SLC26A4: variants seen among roughly 807,000 people sequenced by gnomAD.
SLC26A4 encodes the protein solute carrier family 26 member 4.
Under a neutral mutation model 90.4 loss-of-function variants are expected in SLC26A4, and 93 were observed. That is an observed-to-expected ratio of 1.03 (90% CI 0.87 to 1.22). The LOEUF (loss-of-function observed/expected upper bound fraction) is 1.22, where lower values mean the gene tolerates loss of function less well. Among genes scored for constraint, SLC26A4 ranks in the 50% most tolerant of loss-of-function variants. The probability of loss-of-function intolerance (pLI) is 0.00; values close to 1 mark genes in which losing one functional copy is unlikely to be tolerated. For missense variants in SLC26A4, 1,127 were observed against 946.2 expected, an observed-to-expected ratio of 1.19 and a Z score of -2.51; for synonymous variants, 393 against 354.6, an observed-to-expected ratio of 1.11 and a Z score of -1.22.
intron 3 of SLC26A4, 113 bp downstream of exon 3, chr7:107,663,548 C>A (rs1790628882): frequency 8.7e-7 from 1 of 1,143,030 alleles, no homozygotes; most frequent in Non-Finnish European, 1.3e-6. Flanking sequence ...CTGTATCTTT[C>A]CTGTAGAGCC....
intron 3 of SLC26A4, among the ~76,000 whole-genome samples, chr7:107,671,555 C>T (rs940749752): frequency 2.6e-5 from 4 of 152,158 alleles, no homozygotes; most frequent in African/African-American, 7.2e-5. Flanking sequence ...TTCATTTGAG[C>T]AGGTGATGTT....
chr7:107,695,522 G>A (rs1048983430), intron 12 of SLC26A4, among the ~76,000 whole-genome samples: 5 of 152,168 alleles, frequency 3.3e-5, no homozygotes, highest in Non-Finnish European at 5.9e-5. Flanking sequence ...AAAAAGCTGT[G>A]ATTTGGCCAG....
chr7:107,705,099 A>C (rs923489096), intron 18 of SLC26A4, among the ~76,000 whole-genome samples: 1 of 152,218 alleles, frequency 6.6e-6, no homozygotes, highest in Non-Finnish European at 1.5e-5. Context: ...AAAGCTGCAA[A>C]GCTCTGGGAG....
chr7:107,660,891 C>T (rs1206064746), intron 1 of SLC26A4, 36 bp downstream of exon 1: 2 of 152,330 alleles, frequency 1.3e-5, no homozygotes, highest in African/African-American at 4.8e-5. Flanking sequence ...ACCGCCCGGC[C>T]CGGGCTCCAC....
At chr7:107,704,060 T>A (rs561334787) in intron 17 of SLC26A4, among the ~76,000 whole-genome samples, 4 of 152,180 alleles carry the variant, frequency 2.6e-5, no homozygotes. Flanking sequence ...CCTCCTGTAC[T>A]CTCTTCTTTC....
chr7:107,663,932 C>T (rs1790643555), intron 3 of SLC26A4, among the ~76,000 whole-genome samples: 1 of 152,206 alleles, frequency 6.6e-6, no homozygotes, highest in South Asian at 2.1e-4. Flanking sequence ...ATCCGCCTGC[C>T]TTGGCCTCCC....
At chr7:107,663,478 T>A in intron 3 of SLC26A4, 43 bp downstream of exon 3, 3 of 1,608,688 alleles carry the variant, frequency 1.9e-6, no homozygotes, top group Non-Finnish European at 2.6e-6. Context: ...CCAGCAGGAG[T>A]TTAACACTTC....
chr7:107,661,735 T>C lies in SLC26A4; in HGVS notation c.94T>C (p.Phe32Leu). The change falls in exon 2 of 21, where the codon TTC becomes CTC. Residue 32 changes from phenylalanine to leucine, a missense_variant. By Grantham distance (22) the Phe-to-Leu change is conservative. Coordinates refer to ENST00000644269, the MANE Select transcript of SLC26A4 (RefSeq NM_000441.2). The surrounding 1 kb of genome is among the most constrained non-coding windows in gnomAD (Gnocchi z 5.1). The stretch of plus-strand genomic sequence containing the variant: ...GCGGCCGGTCTACAGCGAGCTCGCT[T>C]TCCAGCAACAGCACGAGCGGCGCCT... ...VSRPVYSELAFQQQHERRLQE... is the reference protein window; with the variant it reads ...VSRPVYSELALQQQHERRLQE... The C allele has an allele frequency of 1.9e-6, 3 of 1,555,030 alleles. No individual in the cohort carries two copies. The highest frequency in any genetic ancestry group is 1.4e-5 in the African/African-American group (1 of 73,832).
chr7:107,700,993 T>G (rs987070251), intron 15 of SLC26A4, 108 bp from the exon 16 acceptor site: 13 of 748,190 alleles, frequency 1.7e-5, no homozygotes, highest in Non-Finnish European at 2.9e-5. Flanking sequence ...TTTGGCAGGA[T>G]AGCTCAAGGA....
At chr7:107,696,149 T>C in intron 13 of SLC26A4, 110 bp downstream of exon 13, 1 of 773,888 alleles carries the variant, frequency 1.3e-6, no homozygotes, top group South Asian at 1.4e-5. Context: ...ATAGTTACTG[T>C]ATATTGAGTG....
At chr7:107,685,546 G>A (rs918117853) in intron 8 of SLC26A4, among the ~76,000 whole-genome samples, 4 of 152,178 alleles carry the variant, frequency 2.6e-5, no homozygotes, top group East Asian at 1.9e-4. Context: ...AGGACCATAC[G>A]TTAGGACCAT....
At chr7:107,713,852 C>G (rs1002657234) in intron 20 of SLC26A4, among the ~76,000 whole-genome samples, 1 of 151,990 alleles carries the variant, frequency 6.6e-6, no homozygotes, top group Non-Finnish European at 1.5e-5. Flanking sequence ...ACACCTATTT[C>G]TGCTGGATTT....
intron 3 of SLC26A4, among the ~76,000 whole-genome samples, chr7:107,667,635 G>C (rs999066947): frequency 5.3e-5 from 8 of 151,950 alleles, no homozygotes; most frequent in Non-Finnish European, 1.2e-4. Flanking sequence ...TAATATGGGA[G>C]ATACTAGAAC....
At chr7:107,712,175 A>C (rs946609936) in intron 19 of SLC26A4, among the ~76,000 whole-genome samples, 1 of 152,194 alleles carries the variant, frequency 6.6e-6, no homozygotes, top group Non-Finnish European at 1.5e-5. Context: ...TTCACTGTGC[A>C]TTCATTGCAC....
intron 6 of SLC26A4, among the ~76,000 whole-genome samples, chr7:107,680,263 T>C (rs1428622099): frequency 4.2e-5 from 5 of 120,048 alleles, no homozygotes; most frequent in African/African-American, 1.4e-4. Flanking sequence ...TTATATAATC[T>C]TATCTTATTA....
chr7:107,707,533 A>G (rs1191218656), intron 18 of SLC26A4, among the ~76,000 whole-genome samples: 2 of 152,242 alleles, frequency 1.3e-5, no homozygotes, highest in African/African-American at 4.8e-5. Flanking sequence ...GGCTATATTT[A>G]AAGATCTGAT....
Position 107,710,204 on chromosome 7 carries a change from A to G in SLC26A4, c.2235+5A>G. 1.3e-6 allele frequency: 2 copies of G among 1,577,792 alleles called. No individual in the cohort carries two copies. The highest frequency in any genetic ancestry group is 8.7e-7 in the Non-Finnish European group (1 of 1,147,086). Reference sequence around the variant, plus strand: ...CAAGGTTCCATTTTAGAAACGGTAAATATTCAACCTTTCTACAGATGTATC... The same window carrying G: ...CAAGGTTCCATTTTAGAAACGGTAAGTATTCAACCTTTCTACAGATGTATC... On this transcript the variant is annotated splice_donor_5th_base_variant and intron_variant, in intron 19 of 20. Transcript: ENST00000644269.
rs1386593728 is a variant in SLC26A4, at chr7:107,716,056, G to C, written c.*610G>C. 2.0e-5 allele frequency: 3 copies of C among 152,178 alleles called. No homozygotes were observed. Among genetic ancestry groups the C allele is most frequent in the African/African-American group, 7.2e-5 (3 of 41,410 alleles). 9.4% of individuals were successfully genotyped at this position (152,178 alleles called of 1,614,324 possible). Reference sequence around the variant, plus strand: ...GATCCTGGAAATGGTTTACCTAAAAGCTACAGAACCAGGCCAATATATTTT... The same window carrying C: ...GATCCTGGAAATGGTTTACCTAAAACCTACAGAACCAGGCCAATATATTTT... On this transcript the variant is annotated 3_prime_UTR_variant, in exon 21 of 21. Transcript: ENST00000644269.
At chr7:107,691,742 A>G in intron 10 of SLC26A4, 1 of 1,032,258 alleles carries the variant, frequency 9.7e-7, no homozygotes, top group Non-Finnish European at 1.2e-6. Flanking sequence ...CTTTTCAACA[A>G]AAAATTTTAT....
Sources: gnomAD v4.1 joint callset for allele counts (sites outside exome capture counted in the v4.1 genomes callset) on GRCh38, gnomAD v4.1.1 for gene constraint, Gnocchi (gnomAD v3.1) non-coding constraint, MANE v1.5 for transcripts, NCBI Gene and HGNC (gene_info 2026-07-23, HGNC 2026-07-21) for gene names.